The following DSP variants were observed in gnomAD, a reference collection of about 807,000 sequenced individuals.
The protein encoded by DSP is 250/210 kDa paraneoplastic pemphigus antigen.
Under a neutral mutation model 290.6 loss-of-function variants are expected in DSP, and 114 were observed. That is an observed-to-expected ratio of 0.39 (90% CI 0.34 to 0.46). The LOEUF (loss-of-function observed/expected upper bound fraction) is 0.46, where lower values mean the gene tolerates loss of function less well. Ranked by LOEUF, DSP falls within the 20% of genes least tolerant of loss-of-function variation. DSP has a pLI of 0.99. For missense variants in DSP, 3,230 were observed against 3,495.8 expected, an observed-to-expected ratio of 0.92 and a Z score of 1.92; for synonymous variants, 1,311 against 1,316.4, an observed-to-expected ratio of 1.00 and a Z score of 0.09.
In DSP at chr6:7,585,257, G is replaced by C. The variant is rs35379048; in HGVS notation, c.7995G>C (p.Thr2665=). Residue 2665 remains threonine (T), a synonymous_variant, in exon 24 of 24, where the codon ACG becomes ACC. Transcript: ENST00000379802. ...ACTGGIIHPT[T]GQKLSLQDAV... ...CAGGTGGCATCATCCACCCAACCACGGGCCAGAAGCTGTCACTTCAGGACG... is the reference window on the plus strand; with the variant it reads ...CAGGTGGCATCATCCACCCAACCACCGGCCAGAAGCTGTCACTTCAGGACG... 6.2e-7 allele frequency: 1 copy of C among 1,614,106 alleles called. No homozygotes were observed. Among genetic ancestry groups the C allele is most frequent in the Non-Finnish European group, 8.5e-7 (1 of 1,180,040 alleles).
At chr6:7,566,511 A>AT in intron 8 of DSP, 30 bp downstream of exon 8, 1 of 1,573,422 alleles carries the variant, frequency 6.4e-7, no homozygotes. Context: ...TATTTTTGTT[A>AT]GAAAAAAAAA....
In DSP at chr6:7,584,956, A is replaced by C. The variant is rs769572594; in HGVS notation, c.7694A>C (p.Asn2565Thr). 3.7e-6 allele frequency: 6 copies of C among 1,614,194 alleles called. No homozygotes were observed. Among genetic ancestry groups the C allele is most frequent in the African/African-American group, 1.3e-5 (1 of 75,052 alleles). ...TTTGCTGACATGATCTCCTTGAAAA[A>C]TGGTGTCGGCACCAGCAGCAGCATG... The part of the protein sequence containing the change: ...TQFADMISLK[N>T]GVGTSSSMGS... Residue 2565 changes from asparagine to threonine, a missense_variant, in exon 24 of 24, where the codon AAT becomes ACT. By Grantham distance (65) the Asn-to-Thr change is moderately conservative (BLOSUM62 0). Transcript: ENST00000379802. The surrounding 1 kb of genome is among the most constrained non-coding windows in gnomAD (Gnocchi z 6.4).
chr6:7,555,613 A>G, intron 1 of DSP, 105 bp from the exon 2 acceptor site: 1 of 882,840 alleles, frequency 1.1e-6, no homozygotes, highest in Non-Finnish European at 1.9e-6. Flanking sequence ...AAAGGGTCTC[A>G]CAGGAGTGGT....
chr6:7,571,135 G>A (rs1203471529), intron 13 of DSP, among the ~76,000 whole-genome samples: 1 of 149,638 alleles, frequency 6.7e-6, no homozygotes, highest in Admixed American at 6.7e-5. Context: ...TACATTTAGG[G>A]CTTCTGAATA....
chr6:7,543,648 A>G (rs1266094195), intron 1 of DSP, among the ~76,000 whole-genome samples: 4 of 152,174 alleles, frequency 2.6e-5, no homozygotes, highest in African/African-American at 9.7e-5. Flanking sequence ...CACAGTTTAA[A>G]TCCAAGTCAG....
At chr6:7,564,849 T>TA (rs1758808244) in intron 6 of DSP, among the ~76,000 whole-genome samples, 1 of 151,996 alleles carries the variant, frequency 6.6e-6, no homozygotes, top group Admixed American at 6.6e-5. Flanking sequence ...TTTAGAAGAA[T>TA]AAAAAAAATT....
rs1561703975 is a variant in DSP, at chr6:7,584,855, A to C, written c.7593A>C (p.Gln2531His). The C allele has an allele frequency of 1.2e-6, 2 of 1,614,084 alleles. No homozygotes were observed. The highest frequency in any genetic ancestry group is 1.7e-6 in the Non-Finnish European group (2 of 1,180,040). Residue 2531 changes from glutamine (Q) to histidine (H), a missense_variant, in exon 24 of 24, where the codon CAA (glutamine) becomes CAC (histidine). By Grantham distance (24) the Gln-to-His change is conservative (BLOSUM62 0). Coordinates refer to ENST00000379802, the MANE Select transcript of DSP (RefSeq NM_004415.4). The surrounding 1 kb of genome is among the most constrained non-coding windows in gnomAD (Gnocchi z 6.4). ...DRKTGSQYDI[Q>H]DAIDKGLVDR... is the part of the protein sequence containing the mutation. ...AGACAGGCAGTCAGTATGATATTCAAGATGCTATTGACAAGGGCCTTGTTG... is the reference window on the plus strand; with the variant it reads ...AGACAGGCAGTCAGTATGATATTCACGATGCTATTGACAAGGGCCTTGTTG...
intron 1 of DSP, among the ~76,000 whole-genome samples, chr6:7,545,720 G>A (rs961352126): frequency 6.6e-6 from 1 of 152,218 alleles, no homozygotes; most frequent in Non-Finnish European, 1.5e-5. Context: ...GACTTCACAA[G>A]GAGGTGAGAG....
rs1330612008 is a variant in DSP, at chr6:7,586,366, T to G, written c.*488T>G. ...CAACCCAAAACCAAGCATTTTGGAA[T>G]GAGTCTCCTTTAGTTTCAGAGTGTG... On this transcript the variant is annotated 3_prime_UTR_variant, in exon 24 of 24. Transcript: ENST00000379802. 5.8e-6 allele frequency: 1 copy of G among 170,984 alleles called. No homozygotes were observed. The highest frequency in any genetic ancestry group is 1.3e-5 in the Non-Finnish European group (1 of 79,564). The allele number at this position is 170,984 out of a possible 1,614,324, so 10.6% of individuals were successfully genotyped here. A position where few individuals can be genotyped will look rare whatever the true frequency, so the allele number is the denominator to read the frequency against.
intron 4 of DSP, among the ~76,000 whole-genome samples, chr6:7,561,994 T>A (rs1758706843): frequency 6.6e-6 from 1 of 152,076 alleles, no homozygotes; most frequent in Non-Finnish European, 1.5e-5. Flanking sequence ...TTTAGTCAGA[T>A]TTAATTTTTT....
At chr6:7,543,867 T>C (rs1758094200) in intron 1 of DSP, among the ~76,000 whole-genome samples, 1 of 152,204 alleles carries the variant, frequency 6.6e-6, no homozygotes, top group Non-Finnish European at 1.5e-5. Flanking sequence ...ATTAAGTGGT[T>C]AATGAACTGC....
rs746987680 is a variant in DSP, at chr6:7,584,547, C to T, written c.7285C>T (p.Leu2429=). The change falls in exon 24 of 24, where the codon CTA becomes TTA. Residue 2429 remains leucine, a synonymous_variant. Transcript: ENST00000379802. The surrounding 1 kb of genome is among the most constrained non-coding windows in gnomAD (Gnocchi z 6.4). ...TGAAGAAAATCTTACCTATCTGCAA[C>T]TAAAAGAAAGATGCATTAAGGATGA... ...NTEENLTYLQ[L]KERCIKDEET... The T allele has an allele frequency of 8.7e-6, 14 of 1,613,996 alleles. No individual in the cohort carries two copies. Among genetic ancestry groups the T allele is most frequent in the Non-Finnish European group, 1.2e-5 (14 of 1,179,948 alleles).
chr6:7,576,425 A>G lies in DSP; in HGVS notation c.2762A>G (p.Asn921Ser). The change falls in exon 19 of 24, where the codon AAC (asparagine) becomes AGC (serine). Residue 921 changes from asparagine to serine, a missense_variant. Physicochemically the swap from Asn to Ser is conservative, Grantham distance 46 (BLOSUM62 1). Around this residue, in one of 5 missense-constraint regions of DSP, gnomAD observed 1,714 missense variants for 1,844.5 expected, o/e 0.93. Transcript: ENST00000379802. ...GAATCCATGAAATTTGGAGATTCCA[A>G]CACAGTCATGCGGTTTTTGAATGAG... Reference protein sequence around the residue: ...SLESMKFGDSNTVMRFLNEQK... With the variant: ...SLESMKFGDSSTVMRFLNEQK... 6.2e-7 allele frequency: 1 copy of G among 1,614,170 alleles called. No homozygotes were observed. The highest frequency in any genetic ancestry group is 8.5e-7 in the Non-Finnish European group (1 of 1,180,014).
chr6:7,584,645 C>T lies in DSP; in HGVS notation c.7383C>T (p.Leu2461=), dbSNP rs771106689. Residue 2461 remains leucine (L), a synonymous_variant, in exon 24 of 24, where the codon CTC becomes CTT. Transcript: ENST00000379802. This position sits in a 1 kb window ranked among gnomAD's most constrained non-coding sequence, Gnocchi z 6.4. ...KQVQTSQKNT[L]RKRRVVIVDP... ...TGCAGACATCACAAAAGAATACCCT[C>T]AGGAAGCGTAGAGTGGTCATAGTTG... 3.1e-6 allele frequency: 5 copies of T among 1,614,114 alleles called. No homozygotes were observed. Among genetic ancestry groups the T allele is most frequent in the Non-Finnish European group, 4.2e-6 (5 of 1,180,000 alleles).
Position 7,574,039 on chromosome 6 carries a change from TAAAA to T in DSP, c.2131-45_2131-42del, listed in dbSNP as rs576264409. On this transcript the variant is annotated intron_variant, in intron 15 of 23. Coordinates refer to ENST00000379802, the MANE Select transcript of DSP (RefSeq NM_004415.4). ...TGTACACCTTAAATATATACAGTAA[TAAAA>T]AGAATCAGCTAAATCAAAAGAGCTT... 5.7e-4 allele frequency: 907 copies of T among 1,601,994 alleles called. 1 individual carries two copies. The highest frequency in any genetic ancestry group is 7.2e-4 in the Non-Finnish European group (841 of 1,169,350).
chr6:7,567,534 A>G, intron 9 of DSP, 85 bp downstream of exon 9: 1 of 1,312,726 alleles, frequency 7.6e-7, no homozygotes, highest in Non-Finnish European at 1.1e-6. Flanking sequence ...ACTGAAAATA[A>G]TCTTCAAAAT....
chr6:7,552,303 C>T (rs1419373480), intron 1 of DSP, among the ~76,000 whole-genome samples: 3 of 151,980 alleles, frequency 2.0e-5, no homozygotes, highest in African/African-American at 4.8e-5. Context: ...CGCCTGTAAT[C>T]CTAACACTTT....
chr6:7,553,732 C>A (rs1304648905), intron 1 of DSP, among the ~76,000 whole-genome samples: 1 of 152,168 alleles, frequency 6.6e-6, no homozygotes, highest in Non-Finnish European at 1.5e-5. Flanking sequence ...AAGACAGAGA[C>A]TGGTTGCATT....
At position 7,563,761 on chromosome 6, in the gene DSP, TGGA is replaced by T; in HGVS notation, c.760_762del (p.Glu254del). 1 of 1,613,844 alleles carries T rather than the reference TGGA, an allele frequency of 6.2e-7. No individual in the cohort carries two copies. The highest frequency in any genetic ancestry group is 2.2e-5 in the East Asian group (1 of 44,882). On this transcript the variant is annotated inframe_deletion, in exon 6 of 24. Transcript: ENST00000379802. The stretch of plus-strand genomic sequence containing the variant: ...CGCGAGAAATCTGCGATCTACCAGT[TGGA>T]GGAGGAGTATGAAAACCTGCTGGTA...
Sources: allele counts gnomAD v4.1 joint callset (sites outside exome capture counted in the v4.1 genomes callset), GRCh38; gene constraint gnomAD v4.1.1; regional missense constraint gnomAD v4.1.1; non-coding constraint Gnocchi (gnomAD v3.1); transcripts MANE v1.5; gene names NCBI Gene and HGNC (gene_info 2026-07-23, HGNC 2026-07-21).